NAT14: variants seen among roughly 807,000 people sequenced by gnomAD.
The protein encoded by NAT14 is probable N-acetyltransferase 14.
Under a neutral mutation model 12.1 loss-of-function variants are expected in NAT14, and 14 were observed. The observed-to-expected ratio is 1.16, with a 90% CI of 0.76 to 1.81. NAT14 has a LOEUF of 1.81. Ranked by LOEUF, NAT14 falls within the 40% of genes most tolerant of loss-of-function variation. The pLI, the probability that NAT14 is intolerant of heterozygous loss-of-function variation, is 0.00. For missense variants in NAT14, 341 were observed against 304.3 expected, an observed-to-expected ratio of 1.12 and a Z score of -0.90; for synonymous variants, 156 against 145.1, an observed-to-expected ratio of 1.08 and a Z score of -0.54.
chr19:55,487,353 A>C lies in NAT14; in HGVS notation c.*397A>C, dbSNP rs943659624. The C allele has an allele frequency of 4.8e-6, 2 of 412,706 alleles. No homozygotes were observed. Among genetic ancestry groups the C allele is most frequent in the Non-Finnish European group, 8.5e-6 (2 of 235,010 alleles). 25.6% of individuals were successfully genotyped at this position (412,706 alleles called of 1,614,324 possible). ...GGAGGCCGAGCAGAATACACCCCAG[A>C]GTTAGGGTTTGCGACTCCGCCTCCC... is the stretch of plus-strand genomic sequence containing the variant. On this transcript the variant is annotated 3_prime_UTR_variant, in exon 3 of 3. Transcript: ENST00000205194.
Position 55,486,979 on chromosome 19 carries a change from C to A in NAT14, c.*23C>A. ...TGAAGCTACAGACTGACAGCCAGGG[C>A]AGGGGAGGAGGGAGGGGCGCCAGCA... On this transcript the variant is annotated 3_prime_UTR_variant, in exon 3 of 3. Coordinates refer to ENST00000205194, the MANE Select transcript of NAT14 (RefSeq NM_020378.4). The A allele has an allele frequency of 6.5e-7, 1 of 1,532,570 alleles. No individual in the cohort carries two copies. The highest frequency in any genetic ancestry group is 2.0e-5 in the Admixed American group (1 of 50,750). The allele number at this position is 1,532,570 out of a possible 1,614,324, so 94.9% of individuals were successfully genotyped here. A position where few individuals can be genotyped will look rare whatever the true frequency, so the allele number is the denominator to read the frequency against.
rs762107861 is a variant in NAT14, at chr19:55,486,960, T to C, written c.*4T>C. 7.1e-6 allele frequency: 11 copies of C among 1,551,618 alleles called. No individual in the cohort carries two copies. Among genetic ancestry groups the C allele is most frequent in the Non-Finnish European group, 7.8e-6 (9 of 1,156,582 alleles). The stretch of plus-strand genomic sequence containing the variant: ...GGAATTCAGCAAAGACCTGTGAAGC[T>C]ACAGACTGACAGCCAGGGCAGGGGA... On this transcript the variant is annotated 3_prime_UTR_variant, in exon 3 of 3. Coordinates refer to ENST00000205194, the MANE Select transcript of NAT14 (RefSeq NM_020378.4).
In NAT14 at chr19:55,486,510, C is replaced by T. The variant is rs749834509; in HGVS notation, c.175C>T (p.Leu59=). 1 of 1,585,618 alleles carries T rather than the reference C, an allele frequency of 6.3e-7. No individual in the cohort carries two copies. The highest frequency in any genetic ancestry group is 2.3e-5 in the East Asian group (1 of 43,388). Residue 59 remains leucine, a synonymous_variant, in exon 3 of 3, where the codon CTG becomes TTG. Coordinates refer to ENST00000205194, the MANE Select transcript of NAT14 (RefSeq NM_020378.4). ...AAASSGLRFV[L]ASFALALLLP... is the part of the protein sequence containing the mutation. ...GGCCAGCAGCGGCCTGCGCTTTGTC[C>T]TGGCTTCCTTCGCCCTGGCCCTCCT...
chr19:55,485,298 C>T (rs1324474821), intron 1 of NAT14, 40 bp downstream of exon 1: 2 of 183,312 alleles, frequency 1.1e-5, no homozygotes, highest in Non-Finnish European at 1.1e-5. Context: ...GGGACGGGGA[C>T]GACTGTGGGG....
intron 2 of NAT14, chr19:55,486,185 A>G: frequency 1.6e-6 from 1 of 614,592 alleles, no homozygotes; most frequent in South Asian, 2.8e-5. Context: ...CGGCATTGCT[A>G]CTGAATTGAG....
intron 2 of NAT14, 180 bp downstream of exon 2, chr19:55,485,960 A>AC (rs1011744209): frequency 6.4e-5 from 40 of 620,410 alleles, no homozygotes; most frequent in South Asian, 4.3e-4. Flanking sequence ...GTGGGGGCTC[A>AC]CCCCCCCAGC....
chr19:55,487,563 C>T lies in NAT14; in HGVS notation c.*607C>T. 2.7e-6 allele frequency: 1 copy of T among 374,550 alleles called. No homozygotes were observed. Among genetic ancestry groups the T allele is most frequent in the Non-Finnish European group, 4.7e-6 (1 of 211,096 alleles). The allele number at this position is 374,550 out of a possible 1,614,324, so 23.2% of individuals were successfully genotyped here. The stretch of plus-strand genomic sequence containing the variant: ...CACCGTTTGTTAATAAAGCCTGAAA[C>T]CGCTGTGTGCCTGTCTCTTCTCTGA... On this transcript the variant is annotated 3_prime_UTR_variant, in exon 3 of 3. Transcript: ENST00000205194.
At chr19:55,486,219 TCATC>T in intron 2 of NAT14, 185 bp from the exon 3 acceptor site, 2 of 745,078 alleles carry the variant, frequency 2.7e-6, no homozygotes, top group Non-Finnish European at 4.0e-6. Flanking sequence ...CCTAATTCAC[TCATC>T]CATCCATCAT....
chr19:55,485,896 T>C, intron 2 of NAT14, 116 bp downstream of exon 2: 1 of 834,744 alleles, frequency 1.2e-6, no homozygotes, highest in Non-Finnish European at 2.0e-6. Context: ...AGCGGGATCT[T>C]TTCCTCCTGA....
At chr19:55,486,280 A>C (rs1016698564) in intron 2 of NAT14, 128 bp from the exon 3 acceptor site, 1 of 1,271,928 alleles carries the variant, frequency 7.9e-7, no homozygotes, top group African/African-American at 1.6e-5. Flanking sequence ...GCCACACTGA[A>C]CATCGGACTG....
In NAT14 at chr19:55,487,479, A is replaced by G. The variant is rs193113920; in HGVS notation, c.*523A>G. The G allele has an allele frequency of 2.3e-4, 91 of 397,508 alleles. No individual in the cohort carries two copies. Among genetic ancestry groups the G allele is most frequent in the African/African-American group, 1.7e-3 (82 of 48,686 alleles). The allele number at this position is 397,508 out of a possible 1,614,324, so 24.6% of individuals were successfully genotyped here. On this transcript the variant is annotated 3_prime_UTR_variant, in exon 3 of 3. Transcript: ENST00000205194. ...CTGCCAGGCCTGGCCCCTCTCTGGGAAGGTTGAGAGCTGAGACGGGCAGCC... is the reference window on the plus strand; with the variant it reads ...CTGCCAGGCCTGGCCCCTCTCTGGGGAGGTTGAGAGCTGAGACGGGCAGCC...
chr19:55,485,609 C>A, intron 1 of NAT14, 52 bp from the exon 2 acceptor site: 1 of 1,000,490 alleles, frequency 1.0e-6, no homozygotes, highest in Non-Finnish European at 1.5e-6. Flanking sequence ...CTCGGGGGAG[C>A]TTTGGGGACA....
chr19:55,486,903 G>C lies in NAT14; in HGVS notation c.568G>C (p.Gly190Arg). Reference protein sequence around the residue: ...LEGCGYQAEGGWGCLGYTLVR... With the variant: ...LEGCGYQAEGRWGCLGYTLVR... ...GGGCTGTGGCTACCAGGCCGAGGGGGGCTGGGGCTGCCTGGGCTACACGCT... is the reference window on the plus strand; with the variant it reads ...GGGCTGTGGCTACCAGGCCGAGGGGCGCTGGGGCTGCCTGGGCTACACGCT... Residue 190 changes from glycine to arginine, a missense_variant, in exon 3 of 3, where the codon GGC becomes CGC. Coordinates refer to ENST00000205194, the MANE Select transcript of NAT14 (RefSeq NM_020378.4). 2 of 1,558,216 alleles carry C rather than the reference G, an allele frequency of 1.3e-6. No individual in the cohort carries two copies. The highest frequency in any genetic ancestry group is 1.7e-6 in the Non-Finnish European group (2 of 1,159,722).
In NAT14 at chr19:55,486,180, T is replaced by C. The variant is rs1009760783; in HGVS notation, c.73-228T>C. On this transcript the variant is annotated intron_variant, in intron 2 of 2. Transcript: ENST00000205194. Reference sequence around the variant, plus strand: ...ACTTCCCTGGGGCCTCACTGCGGCATTGCTACTGAATTGAGTGCCCCCACA... The same window carrying C: ...ACTTCCCTGGGGCCTCACTGCGGCACTGCTACTGAATTGAGTGCCCCCACA... 2.1e-5 allele frequency: 13 copies of C among 605,674 alleles called. No individual in the cohort carries two copies. In the African/African-American group the frequency reaches 2.2e-4, roughly 10 times the overall value. The allele number at this position is 605,674 out of a possible 1,614,324, so 37.5% of individuals were successfully genotyped here.
In NAT14 at chr19:55,485,516, C is replaced by T; in HGVS notation, c.-48-145C>T. The T allele has an allele frequency of 5.3e-6, 3 of 566,788 alleles. No individual in the cohort carries two copies. In the South Asian group the frequency reaches 7.1e-5, roughly 13 times the overall value. The allele number at this position is 566,788 out of a possible 1,614,324, so 35.1% of individuals were successfully genotyped here. A position where few individuals can be genotyped will look rare whatever the true frequency, so the allele number is the denominator to read the frequency against. Reference sequence around the variant, plus strand: ...AGGTCGCTGAGTATTGTGGGGGGCGCCTGTCCTGCCGAGATCCTCGCTTGG... The same window carrying T: ...AGGTCGCTGAGTATTGTGGGGGGCGTCTGTCCTGCCGAGATCCTCGCTTGG... On this transcript the variant is annotated intron_variant, in intron 1 of 2. Transcript: ENST00000205194.
chr19:55,486,598 T>C lies in NAT14; in HGVS notation c.263T>C (p.Leu88Pro). 1 of 1,558,262 alleles carries C rather than the reference T, an allele frequency of 6.4e-7. No individual in the cohort carries two copies. Among genetic ancestry groups the C allele is most frequent in the Non-Finnish European group, 8.6e-7 (1 of 1,162,386 alleles). Residue 88 changes from leucine to proline, a missense_variant, in exon 3 of 3, where the codon CTG becomes CCG. Coordinates refer to ENST00000205194, the MANE Select transcript of NAT14 (RefSeq NM_020378.4). ...GGCCTGCGGGCCCGATGGGGCTCGC[T>C]GCCTCCGCCGGGTGGCCTGGGGGGC... ...KLGLRARWGS[L>P]PPPGGLGGPW...
chr19:55,486,166 G>A, intron 2 of NAT14: 1 of 579,950 alleles, frequency 1.7e-6, no homozygotes. Context: ...CTTCCCTGGG[G>A]CCTCACTGCG....
At position 55,487,203 on chromosome 19, in the gene NAT14, T is replaced by C; in HGVS notation, c.*247T>C. ...TTCCTTCCTGGCCCTCGGGGGCCTC[T>C]CGAGGTCAGCCTCTCCAACCCCTAC... On this transcript the variant is annotated 3_prime_UTR_variant, in exon 3 of 3. Transcript: ENST00000205194. The C allele has an allele frequency of 1.7e-6, 1 of 579,956 alleles. No individual in the cohort carries two copies. The highest frequency in any genetic ancestry group is 2.9e-6 in the Non-Finnish European group (1 of 349,866). 35.9% of individuals were successfully genotyped at this position (579,956 alleles called of 1,614,324 possible).
rs1271624513 is a variant in NAT14, at chr19:55,486,899, G to C, written c.564G>C (p.Glu188Asp). The C allele has an allele frequency of 3.2e-6, 5 of 1,555,150 alleles. No homozygotes were observed. The highest frequency in any genetic ancestry group is 1.8e-5 in the Admixed American group (1 of 54,304). ...GMLEGCGYQA[E>D]GGWGCLGYTL... ...TGGAGGGCTGTGGCTACCAGGCCGA[G>C]GGGGGCTGGGGCTGCCTGGGCTACA... The change falls in exon 3 of 3, where the codon GAG becomes GAC. Residue 188 changes from glutamate to aspartate, a missense_variant. By Grantham distance (45) the Glu-to-Asp change is conservative (BLOSUM62 2). Coordinates refer to ENST00000205194, the MANE Select transcript of NAT14 (RefSeq NM_020378.4).
Sources: gnomAD v4.1 joint callset for allele counts on GRCh38, gnomAD v4.1.1 for gene constraint, MANE v1.5 for transcripts, NCBI Gene and HGNC (gene_info 2026-07-23, HGNC 2026-07-21) for gene names.